The following NTM variants were observed in gnomAD, a reference collection of about 807,000 sequenced individuals.
NTM encodes IgLON family member 2.
Under a neutral mutation model 42.1 loss-of-function variants are expected in NTM, and 13 were observed. That is an observed-to-expected ratio of 0.31 (90% CI 0.20 to 0.49). The LOEUF (loss-of-function observed/expected upper bound fraction) is 0.49, where lower values mean the gene tolerates loss of function less well. NTM is among the 20% of genes least tolerant of loss of function. NTM has a pLI of 0.99. For synonymous variants in NTM, 187 were observed against 179.2 expected (o/e 1.04, Z -0.35); for missense variants, 373 against 452.8 (o/e 0.82, Z 1.60).
At chr11:132,172,238 A>G (rs1415437078) in intron 3 of NTM, among the ~76,000 whole-genome samples, 1 of 152,206 alleles carries the variant, frequency 6.6e-6, no homozygotes, top group African/African-American at 2.4e-5. Flanking sequence ...TAATTCAGAA[A>G]CTTGGTAAAA....
rs373741912 is a variant in NTM at position 131,871,005 on chromosome 11, A to G, written c.83-40559A>G. On this transcript the variant is annotated intron_variant, in intron 1 of 8. Transcript: ENST00000683400. ...CTAAATACAGAATCTACAAGCTGCC[A>G]TACAGAAGGAACAAATGTGAGAAAG... 5.9e-5 allele frequency among the ~76,000 whole-genome samples: 9 copies of G among 152,348 alleles called. 1 individual carries two copies. The highest frequency in any genetic ancestry group is 6.5e-5 in the Admixed American group (1 of 15,308).
chr11:131,376,517 T>C (rs541450661), intron 1 of NTM, among the ~76,000 whole-genome samples: 1 of 152,314 alleles, frequency 6.6e-6, no homozygotes, highest in South Asian at 2.1e-4. Flanking sequence ...CTGTAAGTCA[T>C]TTGCAAACTG....
At position 132,320,524 on chromosome 11, in the gene NTM, C is replaced by G. The variant is rs1326740087; in HGVS notation, c.934+5821C>G. On this transcript the variant is annotated intron_variant, in intron 7 of 8. Coordinates refer to ENST00000683400, the MANE Select transcript of NTM (RefSeq NM_001352005.2). ...TATCCCCCAGCTGGCTCGGAGGGTC[C>G]TACCCCACGGAGTCTCGCTGATTGC... Among the ~76,000 whole-genome samples the G allele has an allele frequency of 2.6e-5, 4 of 152,344 alleles. No homozygotes were observed. The East Asian group carries it at 7.7e-4, about 29-fold the overall frequency.
intron 1 of NTM, among the ~76,000 whole-genome samples, chr11:131,665,744 C>T (rs1256183716): frequency 6.6e-6 from 1 of 152,192 alleles, no homozygotes; most frequent in Non-Finnish European, 1.5e-5. Context: ...TAGACTCAGT[C>T]CCAATGTCTG....
At chr11:132,290,269 T>A (rs1018271304) in intron 4 of NTM, among the ~76,000 whole-genome samples, 15 of 152,142 alleles carry the variant, frequency 9.9e-5, no homozygotes, top group African/African-American at 3.4e-4. Flanking sequence ...TTTTTTTTTT[T>A]TTATTATCAC....
chr11:131,884,415 GA>G (rs980556325), intron 1 of NTM, among the ~76,000 whole-genome samples: 6 of 149,390 alleles, frequency 4.0e-5, no homozygotes, highest in South Asian at 2.1e-4. Context: ...ATCTCAAAAA[GA>G]AAAAAAAAGA....
At chr11:131,741,161 TTGAGAGAG>T (rs2081138454) in intron 1 of NTM, among the ~76,000 whole-genome samples, 1 of 76,770 alleles carries the variant, frequency 1.3e-5, no homozygotes, top group African/African-American at 5.8e-5. Context: ...CAAGACCCCG[TTGAGAGAG>T]AGAGAGAGAG....
At chr11:131,789,020 G>T (rs1440570122) in intron 1 of NTM, among the ~76,000 whole-genome samples, 3 of 152,064 alleles carry the variant, frequency 2.0e-5, no homozygotes, top group African/African-American at 7.2e-5. Flanking sequence ...GGGGGCCGGG[G>T]TCTCTGCGTG....
At chr11:131,560,969 A>G (rs2056148206) in intron 1 of NTM, among the ~76,000 whole-genome samples, 3 of 152,252 alleles carry the variant, frequency 2.0e-5, no homozygotes. Flanking sequence ...CTACCTACAC[A>G]TAGGGCAGCA....
chr11:132,307,553 C>T, intron 4 of NTM, 136 bp from the exon 5 acceptor site: 3 of 1,223,190 alleles, frequency 2.5e-6, no homozygotes, highest in Non-Finnish European at 3.4e-6. Flanking sequence ...GGATAACCCA[C>T]ACAGTTCCTC....
chr11:131,817,885 T>C (rs2093016549), intron 1 of NTM, among the ~76,000 whole-genome samples: 1 of 152,268 alleles, frequency 6.6e-6, no homozygotes, highest in Admixed American at 6.5e-5. Context: ...TGAGAGGCCC[T>C]TGGGGCTGGT....
intron 1 of NTM, among the ~76,000 whole-genome samples, chr11:131,782,576 A>G (rs2088367045): frequency 2.6e-5 from 4 of 152,154 alleles, no homozygotes; most frequent in South Asian, 4.1e-4. Flanking sequence ...AAAATTATGC[A>G]TAAACATGGA....
At chr11:131,426,257 T>C (rs1254849392) in intron 1 of NTM, among the ~76,000 whole-genome samples, 1 of 152,164 alleles carries the variant, frequency 6.6e-6, no homozygotes, top group Non-Finnish European at 1.5e-5. Flanking sequence ...CCTGATTCCA[T>C]ACACACATTT....
intron 3 of NTM, among the ~76,000 whole-genome samples, chr11:132,190,944 GTTTTT>G (rs60444346): frequency 6.6e-6 from 1 of 150,432 alleles, no homozygotes; most frequent in African/African-American, 2.4e-5. Context: ...GATATTATTT[GTTTTT>G]TTTTGTCATT....
At chr11:132,114,345 A>G (rs2063601176) in intron 2 of NTM, among the ~76,000 whole-genome samples, 1 of 152,170 alleles carries the variant, frequency 6.6e-6, no homozygotes, top group Admixed American at 6.5e-5. Flanking sequence ...CCTGCGACCC[A>G]GTGTCCTCCT....
intron 1 of NTM, among the ~76,000 whole-genome samples, chr11:131,680,500 T>C (rs1322997376): frequency 1.5e-4 from 22 of 145,084 alleles, no homozygotes; most frequent in East Asian, 2.1e-4. Context: ...TAGGCATGTG[T>C]GCCTCTGTGT....
At chr11:131,809,808 C>A (rs537108081) in intron 1 of NTM, among the ~76,000 whole-genome samples, 14 of 152,294 alleles carry the variant, frequency 9.2e-5, no homozygotes, top group Admixed American at 5.2e-4. Flanking sequence ...GAGACAGCAG[C>A]CCTTCTGTGT....
intron 1 of NTM, among the ~76,000 whole-genome samples, chr11:131,893,098 T>C (rs908684624): frequency 2.0e-5 from 3 of 152,196 alleles, no homozygotes; most frequent in African/African-American, 7.2e-5. Context: ...AGCCCGAATG[T>C]AGGATGTGGA....
intron 1 of NTM, among the ~76,000 whole-genome samples, chr11:131,553,284 G>A (rs191223925): frequency 6.6e-6 from 1 of 152,282 alleles, no homozygotes; most frequent in East Asian, 1.9e-4. Context: ...TCTATATTGT[G>A]TGCACTTTTG....
Sources: gnomAD v4.1 joint callset for allele counts (sites outside exome capture counted in the v4.1 genomes callset) on GRCh38, gnomAD v4.1.1 for gene constraint, MANE v1.5 for transcripts, NCBI Gene and HGNC (gene_info 2026-07-23, HGNC 2026-07-21) for gene names.